AP3B2: variants seen among roughly 807,000 people sequenced by gnomAD.
The protein encoded by AP3B2 is adaptor related protein complex 3 subunit beta 2, also known as AP-3 complex subunit beta-2.
In AP3B2, 50 loss-of-function variants were observed where a neutral mutation model predicts 126.9. The observed-to-expected ratio is 0.39, with a 90% CI of 0.31 to 0.50. The LOEUF is 0.50. Ranked by LOEUF, AP3B2 falls within the 20% of genes least tolerant of loss-of-function variation. The probability of loss-of-function intolerance (pLI) is 0.79; values close to 1 mark genes in which losing one functional copy is unlikely to be tolerated. For synonymous variants in AP3B2, 541 were observed against 565.0 expected, an observed-to-expected ratio of 0.96 and a Z score of 0.60; for missense variants, 1,177 against 1,426.4, an observed-to-expected ratio of 0.83 and a Z score of 2.82.
intron 3 of AP3B2, 64 bp from the exon 4 acceptor site, chr15:82,688,895 C>A: frequency 6.9e-7 from 1 of 1,439,956 alleles, no homozygotes; most frequent in Non-Finnish European, 9.5e-7. Flanking sequence ...ACCCCCCTAC[C>A]CCTGGGATGT....
Position 82,663,981 on chromosome 15 carries a change from G to A in AP3B2, c.2262-6C>T. ...CATCCTCCTCACTCTGTTCACTGAA[G>A]GAGTGGGAAAGGTTGGCTCAGGCCT... On this transcript the variant is annotated splice_polypyrimidine_tract_variant and splice_region_variant and intron_variant, in intron 19 of 26. Coordinates refer to ENST00000535359, the MANE Select transcript of AP3B2 (RefSeq NM_001278512.2). 6.2e-7 allele frequency: 1 copy of A among 1,600,584 alleles called. No individual in the cohort carries two copies. Among genetic ancestry groups the A allele is most frequent in the Non-Finnish European group, 8.5e-7 (1 of 1,178,930 alleles).
In AP3B2 at chr15:82,709,715, C is replaced by G; in HGVS notation, c.-9G>C. ...GCGGGGGCGGCCGACATGGGGCGGC[C>G]AGGGAGACTTCGCCGAGGAGGAGGT... is the stretch of plus-strand genomic sequence containing the variant. On this transcript the variant is annotated 5_prime_UTR_variant, in exon 1 of 27. Transcript: ENST00000535359. 6 of 1,471,054 alleles carry G rather than the reference C, an allele frequency of 4.1e-6. No homozygotes were observed. The highest frequency in any genetic ancestry group is 5.4e-6 in the Non-Finnish European group (6 of 1,110,778). The allele number at this position is 1,471,054 out of a possible 1,614,324, so 91.1% of individuals were successfully genotyped here. A position where few individuals can be genotyped will look rare whatever the true frequency, so the allele number is the denominator to read the frequency against.
At chr15:82,673,325 C>T (rs1394365756) in intron 14 of AP3B2, among the ~76,000 whole-genome samples, 3 of 152,144 alleles carry the variant, frequency 2.0e-5, no homozygotes, top group African/African-American at 7.2e-5. Flanking sequence ...AGCAATTCTC[C>T]TGCCACAGCC....
chr15:82,687,019 C>G (rs1008784305), intron 4 of AP3B2: 2 of 152,138 alleles, frequency 1.3e-5, no homozygotes, highest in Admixed American at 1.3e-4. Context: ...CCACACCCAG[C>G]CTGAAATCAA....
intron 1 of AP3B2, 96 bp downstream of exon 1, chr15:82,709,498 G>A (rs1322694803): frequency 1.5e-5 from 13 of 844,720 alleles, no homozygotes; most frequent in Non-Finnish European, 1.9e-5. Flanking sequence ...CCGGGGCGGG[G>A]CCGGCGCTGG....
At chr15:82,666,194 C>G (rs1317794282) in intron 15 of AP3B2, among the ~76,000 whole-genome samples, 1 of 152,198 alleles carries the variant, frequency 6.6e-6, no homozygotes, top group African/African-American at 2.4e-5. Context: ...GGAGAAGCAG[C>G]GGGAGGACCC....
In AP3B2 at chr15:82,664,005, C is replaced by G; in HGVS notation, c.2262-30G>C. The G allele has an allele frequency of 6.3e-7, 1 of 1,584,966 alleles. No homozygotes were observed. Among genetic ancestry groups the G allele is most frequent in the Admixed American group, 1.7e-5 (1 of 58,352 alleles). On this transcript the variant is annotated intron_variant, in intron 19 of 26. Transcript: ENST00000535359. The surrounding 1 kb of genome is among the most constrained non-coding windows in gnomAD (Gnocchi z 4.5). ...AGGAGTGGGAAAGGTTGGCTCAGGC[C>G]TGGCCTGGACACTCCCTCCTTGCTT...
chr15:82,707,951 C>G (rs190973875), intron 1 of AP3B2, among the ~76,000 whole-genome samples: 1 of 152,176 alleles, frequency 6.6e-6, no homozygotes, highest in African/African-American at 2.4e-5. Context: ...TACCACCCCC[C>G]GCCAAAATGT....
rs1243800450 is a variant in AP3B2 at position 82,664,220 on chromosome 15, G to A, written c.2261+147C>T. 11 of 1,359,874 alleles carry A rather than the reference G, an allele frequency of 8.1e-6. 1 individual carries two copies. Among genetic ancestry groups the A allele is most frequent in the Middle Eastern group, 5.2e-4 (2 of 3,850 alleles). The allele number at this position is 1,359,874 out of a possible 1,614,324, so 84.2% of individuals were successfully genotyped here. A position where few individuals can be genotyped will look rare whatever the true frequency, so the allele number is the denominator to read the frequency against. On this transcript the variant is annotated intron_variant, in intron 19 of 26. Coordinates refer to ENST00000535359, the MANE Select transcript of AP3B2 (RefSeq NM_001278512.2). The surrounding 1 kb of genome is among the most constrained non-coding windows in gnomAD (Gnocchi z 4.5). The stretch of plus-strand genomic sequence containing the variant: ...GCCTCAGAGATCTCCTGCAGCCAGC[G>A]AAAGTAGGCGTCATGTGAGCTGACA...
At chr15:82,674,689 A>G (rs766910581) in intron 14 of AP3B2, among the ~76,000 whole-genome samples, 9 of 152,266 alleles carry the variant, frequency 5.9e-5, no homozygotes, top group African/African-American at 9.6e-5. Context: ...GTAGGCCTAC[A>G]TGTTAAATAA....
rs1484943195 is a variant in AP3B2, at chr15:82,681,129, G to A, written c.571C>T (p.Leu191=). The A allele has an allele frequency of 6.8e-6, 11 of 1,613,314 alleles. No homozygotes were observed. Among genetic ancestry groups the A allele is most frequent in the Non-Finnish European group, 9.3e-6 (11 of 1,179,710 alleles). ...DQLIEVIEKL[L]ADKTTLVAGS... is the part of the protein sequence containing the mutation. ...ACACGCACCGTGGTCTTGTCAGCCA[G>A]AAGCTTCTCAATGACTTCTATCAGC... Residue 191 remains leucine (L), a synonymous_variant, in exon 6 of 27, where the codon CTG becomes TTG. Coordinates refer to ENST00000535359, the MANE Select transcript of AP3B2 (RefSeq NM_001278512.2). The surrounding 1 kb of genome is among the most constrained non-coding windows in gnomAD (Gnocchi z 4.0).
intron 4 of AP3B2, chr15:82,688,512 CA>C: frequency 1.4e-6 from 1 of 702,788 alleles, no homozygotes; most frequent in Non-Finnish European, 2.6e-6. Context: ...GGAAGAGAGA[CA>C]GGGGCCCTGG....
At chr15:82,704,807 G>A (rs893734510) in intron 1 of AP3B2, among the ~76,000 whole-genome samples, 3 of 152,206 alleles carry the variant, frequency 2.0e-5, no homozygotes, top group East Asian at 1.9e-4. Flanking sequence ...GGGTAAGTCC[G>A]TCCCCTTCTT....
At chr15:82,670,069 CA>C (rs779045948) in intron 14 of AP3B2, among the ~76,000 whole-genome samples, 644 of 36,430 alleles carry the variant, frequency 0.018, 5 homozygotes, top group African/African-American at 0.063. Context: ...ACTCCGTCTC[CA>C]AAAAAAAAAA....
At chr15:82,691,908 C>T in intron 1 of AP3B2, 5 of 1,273,398 alleles carry the variant, frequency 3.9e-6, no homozygotes, top group Non-Finnish European at 4.6e-6. Flanking sequence ...TTATGCAGGG[C>T]ATATTCCATG....
rs780355093 is a variant in AP3B2 at position 82,664,021 on chromosome 15, C to G, written c.2262-46G>C. Reference sequence around the variant, plus strand: ...GGCTCAGGCCTGGCCTGGACACTCCCTCCTTGCTTCACAGAAGCAGGAGAA... The same window carrying G: ...GGCTCAGGCCTGGCCTGGACACTCCGTCCTTGCTTCACAGAAGCAGGAGAA... On this transcript the variant is annotated intron_variant, in intron 19 of 26. Transcript: ENST00000535359. This position sits in a 1 kb window ranked among gnomAD's most constrained non-coding sequence, Gnocchi z 4.5. The G allele has an allele frequency of 1.3e-6, 2 of 1,564,714 alleles. No individual in the cohort carries two copies. Among genetic ancestry groups the G allele is most frequent in the Admixed American group, 1.8e-5 (1 of 55,218 alleles).
intron 1 of AP3B2, chr15:82,692,383 C>T (rs891966693): frequency 4.0e-6 from 2 of 504,462 alleles, no homozygotes; most frequent in East Asian, 3.7e-5. Context: ...GCCCCCTCCC[C>T]GCAATCCCCC....
intron 4 of AP3B2, chr15:82,687,128 A>C (rs770276441): frequency 2.0e-5 from 3 of 152,230 alleles, no homozygotes; most frequent in Non-Finnish European, 4.4e-5. Context: ...AAGTTGCCTT[A>C]TGAAGGAGTG....
rs1397384095 is a variant in AP3B2, at chr15:82,664,686, C to T, written c.2137+149G>A. 1.1e-5 allele frequency: 10 copies of T among 897,974 alleles called. No homozygotes were observed. Among genetic ancestry groups the T allele is most frequent in the Admixed American group, 2.3e-5 (1 of 42,596 alleles). 55.6% of individuals were successfully genotyped at this position (897,974 alleles called of 1,614,324 possible). On this transcript the variant is annotated intron_variant, in intron 18 of 26. Transcript: ENST00000535359. The surrounding 1 kb of genome is among the most constrained non-coding windows in gnomAD (Gnocchi z 4.5). Reference sequence around the variant, plus strand: ...ATAGAAACCTGCACAAGCACACACACCTGGAACATGAATCCCTCAGGTGCA... The same window carrying T: ...ATAGAAACCTGCACAAGCACACACATCTGGAACATGAATCCCTCAGGTGCA...
Sources: gnomAD v4.1 joint callset for allele counts (sites outside exome capture counted in the v4.1 genomes callset) on GRCh38, gnomAD v4.1.1 for gene constraint, Gnocchi (gnomAD v3.1) non-coding constraint, MANE v1.5 for transcripts, NCBI Gene and HGNC (gene_info 2026-07-23, HGNC 2026-07-21) for gene names.